The following RPAP2 variants were observed in gnomAD, a reference collection of about 807,000 sequenced individuals.
The protein encoded by RPAP2 is RNA polymerase II associated protein 2, also known as putative RNA polymerase II subunit B1 CTD phosphatase RPAP2.
In RPAP2, 52 loss-of-function variants were observed where a neutral mutation model predicts 73.1. The observed-to-expected ratio is 0.71, with a 90% CI of 0.57 to 0.90. RPAP2 has a LOEUF of 0.90. RPAP2 is among the 40% of genes least tolerant of loss of function. The probability of loss-of-function intolerance (pLI) is 0.00; values close to 1 mark genes in which losing one functional copy is unlikely to be tolerated. For synonymous variants in RPAP2, 225 were observed against 242.1 expected, an observed-to-expected ratio of 0.93 and a Z score of 0.65; for missense variants, 598 against 701.8, an observed-to-expected ratio of 0.85 and a Z score of 1.67.
intron 6 of RPAP2, 86 bp from the exon 7 acceptor site, chr1:92,320,513 C>G (rs750330509): frequency 9.6e-7 from 1 of 1,039,684 alleles, no homozygotes; most frequent in African/African-American, 1.6e-5. Context: ...CCTCGAGATC[C>G]GCCTGCCCAG....
intron 12 of RPAP2, among the ~76,000 whole-genome samples, chr1:92,383,312 AT>A (rs1173359395): frequency 6.6e-6 from 1 of 151,928 alleles, no homozygotes; most frequent in Non-Finnish European, 1.5e-5. Context: ...GAAGAAAGTC[AT>A]TGGTAGCTTT....
chr1:92,354,313 T>TAA (rs1311854681), intron 11 of RPAP2, among the ~76,000 whole-genome samples: 1 of 152,188 alleles, frequency 6.6e-6, no homozygotes, highest in Non-Finnish European at 1.5e-5. Context: ...ATTTCAATCT[T>TAA]AGAGTATTGA....
intron 12 of RPAP2, among the ~76,000 whole-genome samples, chr1:92,381,913 C>G (rs1249777490): frequency 7.5e-6 from 1 of 132,640 alleles, no homozygotes; most frequent in Admixed American, 7.7e-5. Context: ...AATGCTATCC[C>G]TCCCCCACCC....
At chr1:92,366,732 T>G (rs1034504161) in intron 11 of RPAP2, among the ~76,000 whole-genome samples, 1 of 152,218 alleles carries the variant, frequency 6.6e-6, no homozygotes, top group African/African-American at 2.4e-5. Context: ...ACAGATAAAA[T>G]TCCTTTTGAA....
At chr1:92,373,503 C>T (rs1320286282) in intron 11 of RPAP2, among the ~76,000 whole-genome samples, 7 of 151,968 alleles carry the variant, frequency 4.6e-5, no homozygotes, top group Admixed American at 3.3e-4. Flanking sequence ...TAGAGCTAAA[C>T]GGTTCCTTTA....
At chr1:92,316,793 G>A (rs550496146) in intron 6 of RPAP2, among the ~76,000 whole-genome samples, 2 of 152,274 alleles carry the variant, frequency 1.3e-5, no homozygotes, top group South Asian at 4.1e-4. Context: ...AAAGAGCAAT[G>A]TAACTTGGTG....
At chr1:92,307,594 T>C (rs1379115753) in intron 6 of RPAP2, among the ~76,000 whole-genome samples, 1 of 152,164 alleles carries the variant, frequency 6.6e-6, no homozygotes, top group South Asian at 2.1e-4. Flanking sequence ...AATGTTAAAT[T>C]TTTTCAGAAG....
chr1:92,343,977 C>A (rs1159075312), intron 10 of RPAP2, among the ~76,000 whole-genome samples: 1 of 152,166 alleles, frequency 6.6e-6, no homozygotes, highest in Non-Finnish European at 1.5e-5. Flanking sequence ...CCCCTTTGTT[C>A]CCTTTCCCAA....
chr1:92,305,967 C>T (rs1448478625), intron 5 of RPAP2, among the ~76,000 whole-genome samples: 1 of 152,084 alleles, frequency 6.6e-6, no homozygotes, highest in East Asian at 1.9e-4. Flanking sequence ...TACACATGTA[C>T]ACCAGCATGT....
chr1:92,353,956 T>C lies in RPAP2; in HGVS notation c.1688+8042T>C, dbSNP rs570538535. ...CCCTATATCTTTGGCAGTTTTATAA[T>C]GCTACTCTTTTTTTTATTCATAAGT... On this transcript the variant is annotated intron_variant, in intron 11 of 12. Transcript: ENST00000610020. Among the ~76,000 whole-genome samples, 40 of 152,312 alleles carry C rather than the reference T, an allele frequency of 2.6e-4. 1 individual carries two copies. The highest frequency in any genetic ancestry group is 9.6e-4 in the African/African-American group (40 of 41,586).
At chr1:92,308,984 G>C (rs1428494054) in intron 6 of RPAP2, among the ~76,000 whole-genome samples, 1 of 152,014 alleles carries the variant, frequency 6.6e-6, no homozygotes, top group Non-Finnish European at 1.5e-5. Context: ...TAAATAAAAT[G>C]AAGTAAAACA....
Position 92,401,613 on chromosome 1 carries a change from G to A in RPAP2, c.*14602G>A, listed in dbSNP as rs1656319795. On this transcript the variant is annotated 3_prime_UTR_variant, in exon 13 of 13. Coordinates refer to ENST00000610020, the MANE Select transcript of RPAP2 (RefSeq NM_024813.3). ...TATCCTCCCCTTGTTCCTAATTTTA[G>A]AGGGAAAGTACTCAGTCTTTCGCCA... is the stretch of plus-strand genomic sequence containing the variant. 1 of 152,170 alleles carries A rather than the reference G, an allele frequency of 6.6e-6. No individual in the cohort carries two copies. Among genetic ancestry groups the A allele is most frequent in the South Asian group, 2.1e-4 (1 of 4,826 alleles). 9.4% of individuals were successfully genotyped at this position (152,170 alleles called of 1,614,324 possible). A position where few individuals can be genotyped will look rare whatever the true frequency, so the allele number is the denominator to read the frequency against.
chr1:92,332,619 G>C (rs1021148720), intron 8 of RPAP2, among the ~76,000 whole-genome samples: 1 of 152,058 alleles, frequency 6.6e-6, no homozygotes, highest in African/African-American at 2.4e-5. Flanking sequence ...TGTAATCAGA[G>C]ATTAAGATGA....
Position 92,307,186 on chromosome 1 carries a change from A to C in RPAP2, c.400-2A>C. ...AAACTAGATTTATAATGTTCTTTTC[A>C]GTCTTTTTGCAGCAATTTTTGTTAT... On this transcript the variant is annotated splice_acceptor_variant, in intron 5 of 12. Coordinates refer to ENST00000610020, the MANE Select transcript of RPAP2 (RefSeq NM_024813.3). LOFTEE classifies it high-confidence loss of function. The C allele has an allele frequency of 1.2e-6, 2 of 1,604,646 alleles. No individual in the cohort carries two copies. Among genetic ancestry groups the C allele is most frequent in the South Asian group, 1.1e-5 (1 of 89,940 alleles).
chr1:92,370,456 C>T (rs958805105), intron 11 of RPAP2, among the ~76,000 whole-genome samples: 3 of 151,904 alleles, frequency 2.0e-5, no homozygotes, highest in Non-Finnish European at 4.4e-5. Context: ...AGCTTTCGTA[C>T]CCCCCCACCA....
At chr1:92,324,811 A>C (rs1168511879) in intron 8 of RPAP2, among the ~76,000 whole-genome samples, 1 of 152,190 alleles carries the variant, frequency 6.6e-6, no homozygotes, top group Non-Finnish European at 1.5e-5. Context: ...AAGCATGTCC[A>C]TTGAAAACAT....
rs36067595 is a variant in RPAP2 at position 92,302,590 on chromosome 1, ATTTTTTTTTTTTTT to A, written c.234+1016_234+1029del. 6.7e-5 allele frequency among the ~76,000 whole-genome samples: 5 copies of A among 74,340 alleles called. No homozygotes were observed. The East Asian group carries it at 1.7e-3, about 25-fold the overall frequency. The allele number at this position is 74,340 out of a possible 152,430, so 48.8% of individuals were successfully genotyped here. Reference sequence around the variant, plus strand: ...ACGGGAGAATTAAATTCCGCATTAAATTTTTTTTTTTTTTTTTTTTTTTTTTTTTGAGACGGAGC... The same window carrying A: ...ACGGGAGAATTAAATTCCGCATTAAATTTTTTTTTTTTTTTGAGACGGAGC... On this transcript the variant is annotated intron_variant, in intron 3 of 12. Coordinates refer to ENST00000610020, the MANE Select transcript of RPAP2 (RefSeq NM_024813.3).
intron 5 of RPAP2, among the ~76,000 whole-genome samples, chr1:92,306,122 C>T (rs1651214137): frequency 6.6e-6 from 1 of 152,114 alleles, no homozygotes. Flanking sequence ...AATAAGCCAG[C>T]ACAAAAGGAC....
chr1:92,355,166 T>G (rs1371365867), intron 11 of RPAP2, among the ~76,000 whole-genome samples: 2 of 152,022 alleles, frequency 1.3e-5, no homozygotes, highest in Admixed American at 1.3e-4. Flanking sequence ...TCATTAATTT[T>G]TATTTAACAT....
Sources: gnomAD v4.1 joint callset for allele counts (sites outside exome capture counted in the v4.1 genomes callset) on GRCh38, gnomAD v4.1.1 for gene constraint, MANE v1.5 for transcripts, NCBI Gene and HGNC (gene_info 2026-07-23, HGNC 2026-07-21) for gene names.